FGD3: variants seen among roughly 807,000 people sequenced by gnomAD.
FGD3 encodes FYVE, RhoGEF and PH domain containing 3.
In FGD3, 45 loss-of-function variants were observed where a neutral mutation model predicts 71.8. The observed-to-expected ratio is 0.63, with a 90% CI of 0.49 to 0.80. The LOEUF is 0.80. FGD3 is among the 30% of genes least tolerant of loss of function. The pLI, the probability that FGD3 is intolerant of heterozygous loss-of-function variation, is 0.00. For synonymous variants in FGD3, 378 were observed against 392.8 expected (o/e 0.96, Z 0.44); for missense variants, 844 against 951.5 (o/e 0.89, Z 1.49).
chr9:92,952,570 C>G (rs1211696215), intron 1 of FGD3, among the ~76,000 whole-genome samples: 1 of 151,982 alleles, frequency 6.6e-6, no homozygotes, highest in Admixed American at 6.6e-5. Context: ...TGAAGGCCCC[C>G]CCATCCCATC....
intron 14 of FGD3, among the ~76,000 whole-genome samples, chr9:93,026,053 C>T (rs897678050): frequency 3.3e-5 from 5 of 152,212 alleles, no homozygotes; most frequent in South Asian, 2.1e-4. Flanking sequence ...GAAACTGACT[C>T]GGTTTCATCA....
chr9:92,951,472 T>A, intron 1 of FGD3, among the ~76,000 whole-genome samples: 1 of 151,638 alleles, frequency 6.6e-6, no homozygotes, highest in Admixed American at 6.6e-5. Context: ...AGTCCAGGAG[T>A]TCAAGACCAG....
At chr9:93,019,889 C>CA (rs34123511) in intron 12 of FGD3, 28 bp downstream of exon 12, 1 of 1,612,762 alleles carries the variant, frequency 6.2e-7, no homozygotes, top group Non-Finnish European at 8.5e-7. Context: ...GTAAAGTAAC[C>CA]AAATGACCAA....
intron 3 of FGD3, among the ~76,000 whole-genome samples, chr9:92,978,722 AC>A (rs1485713207): frequency 8.9e-5 from 1 of 11,284 alleles, no homozygotes; most frequent in Non-Finnish European, 1.5e-4. Context: ...GCCTTCCTCC[AC>A]CCCCCTCCCC....
At chr9:93,017,675 C>T (rs1861753833) in intron 10 of FGD3, among the ~76,000 whole-genome samples, 1 of 152,220 alleles carries the variant, frequency 6.6e-6, no homozygotes, top group Non-Finnish European at 1.5e-5. Context: ...CAGGGCGCAC[C>T]TGCTCAGGGG....
chr9:92,976,517 A>C lies in FGD3; in HGVS notation c.261A>C (p.Gly87=). 6.2e-6 allele frequency: 10 copies of C among 1,612,140 alleles called. No individual in the cohort carries two copies. The highest frequency in any genetic ancestry group is 8.5e-6 in the Non-Finnish European group (10 of 1,179,726). The part of the protein sequence containing the change: ...GIDSPSSSVA[G]ENFPCEEGLE... ...ACAGTCCCTCCTCCAGTGTGGCTGG[A>C]GAGAACTTTCCCTGCGAGGAGGGCT... Residue 87 remains glycine, a synonymous_variant, in exon 3 of 18, where the codon GGA becomes GGC. Coordinates refer to ENST00000375482, the MANE Select transcript of FGD3 (RefSeq NM_001083536.2).
chr9:92,986,917 C>G (rs1860207925), intron 3 of FGD3, among the ~76,000 whole-genome samples: 1 of 152,192 alleles, frequency 6.6e-6, no homozygotes, highest in South Asian at 2.1e-4. Context: ...CCCAAGGGAG[C>G]CTGTGTCTTT....
intron 1 of FGD3, among the ~76,000 whole-genome samples, chr9:92,970,109 A>G (rs969018341): frequency 6.6e-6 from 1 of 152,142 alleles, no homozygotes; most frequent in South Asian, 2.1e-4. Context: ...GCCCCTGTGG[A>G]AACATAGGCA....
chr9:93,031,065 G>GTGGA (rs368574727), intron 15 of FGD3, among the ~76,000 whole-genome samples: 8 of 151,662 alleles, frequency 5.3e-5, no homozygotes, highest in South Asian at 2.1e-4. Flanking sequence ...TAATGAATGG[G>GTGGA]TGGATGGATG....
At chr9:92,991,638 T>C (rs1860415833) in intron 3 of FGD3, among the ~76,000 whole-genome samples, 1 of 152,144 alleles carries the variant, frequency 6.6e-6, no homozygotes, top group East Asian at 1.9e-4. Flanking sequence ...AGCCGTTGGG[T>C]GAAATGTTCT....
intron 3 of FGD3, among the ~76,000 whole-genome samples, chr9:92,997,524 A>G (rs1012421488): frequency 6.6e-6 from 1 of 152,156 alleles, no homozygotes. Flanking sequence ...TTATGATGTT[A>G]GCTGGTTATT....
At chr9:93,030,716 A>C (rs957088976) in intron 15 of FGD3, among the ~76,000 whole-genome samples, 2 of 21,066 alleles carry the variant, frequency 9.5e-5, no homozygotes, top group Non-Finnish European at 8.0e-5. Context: ...GCGGGGGGGC[A>C]GCAGGGGGGG....
intron 8 of FGD3, among the ~76,000 whole-genome samples, chr9:93,012,953 C>T (rs1230250579): frequency 6.6e-6 from 1 of 151,804 alleles, no homozygotes; most frequent in Non-Finnish European, 1.5e-5. Flanking sequence ...ACACCAGCTG[C>T]ACACGCAGCT....
At chr9:92,990,940 G>A (rs1310677219) in intron 3 of FGD3, among the ~76,000 whole-genome samples, 1 of 152,140 alleles carries the variant, frequency 6.6e-6, no homozygotes, top group Non-Finnish European at 1.5e-5. Flanking sequence ...TGTAAAATGA[G>A]TTAGGAAGAA....
rs370852611 is a variant in FGD3 at position 93,032,876 on chromosome 9, G to C, written c.1785+3G>C. 7.4e-6 allele frequency: 12 copies of C among 1,612,626 alleles called. No individual in the cohort carries two copies. The African/African-American group carries it at 1.6e-4, about 22-fold the overall frequency. On this transcript the variant is annotated splice_donor_region_variant and intron_variant, in intron 16 of 17. Coordinates refer to ENST00000375482, the MANE Select transcript of FGD3 (RefSeq NM_001083536.2). ...CAGTGGCCCCTGAGAGCACAGAGGT[G>C]GGTGCTCCCAGCTCCTGCTCCCCTC...
chr9:93,002,887 C>A (rs753966949), intron 3 of FGD3, 38 bp from the exon 4 acceptor site: 15 of 1,604,162 alleles, frequency 9.4e-6, no homozygotes, highest in African/African-American at 1.3e-5. Context: ...CCCCAAGGCT[C>A]ATCTTCCCCA....
chr9:93,020,244 A>T (rs1861861681), intron 12 of FGD3, 73 bp from the exon 13 acceptor site: 1 of 1,400,664 alleles, frequency 7.1e-7, no homozygotes, highest in Admixed American at 2.2e-5. Context: ...GGACAGAGGC[A>T]GGCGCGTCCC....
rs114249995 is a variant in FGD3, at chr9:92,991,632, G to A, written c.454-11293G>A. 6.4e-3 allele frequency among the ~76,000 whole-genome samples: 967 copies of A among 152,214 alleles called. 9 individuals carry two copies. The highest frequency in any genetic ancestry group is 0.022 in the African/African-American group (908 of 41,522). On this transcript the variant is annotated intron_variant, in intron 3 of 17. Transcript: ENST00000375482. ...TGAGAAGAATGTGTATTCTGCAGCC[G>A]TTGGGTGAAATGTTCTGTAAATGTC...
chr9:93,034,604 G>C lies in FGD3; in HGVS notation c.1849G>C (p.Gly617Arg). Residue 617 changes from glycine (G) to arginine (R), a missense_variant, in exon 17 of 18, where the codon GGT becomes CGT. Gly to Arg is a moderately radical substitution (Grantham distance 125). Coordinates refer to ENST00000375482, the MANE Select transcript of FGD3 (RefSeq NM_001083536.2). ...LCGPLRLSES[G>R]ETWSEVWAAI... ...CGGCCCCCTGCGGCTGTCAGAGAGCGGTGAGACCTGGAGCGAGGTGTGGGC... is the reference window on the plus strand; with the variant it reads ...CGGCCCCCTGCGGCTGTCAGAGAGCCGTGAGACCTGGAGCGAGGTGTGGGC... 6.2e-7 allele frequency: 1 copy of C among 1,613,496 alleles called. No homozygotes were observed. The highest frequency in any genetic ancestry group is 8.5e-7 in the Non-Finnish European group (1 of 1,179,870).
Sources: gnomAD v4.1 joint callset for allele counts (sites outside exome capture counted in the v4.1 genomes callset) on GRCh38, gnomAD v4.1.1 for gene constraint, MANE v1.5 for transcripts, NCBI Gene and HGNC (gene_info 2026-07-23, HGNC 2026-07-21) for gene names.